TRHDE: variants seen among roughly 807,000 people sequenced by gnomAD.
TRHDE encodes the protein thyrotropin releasing hormone degrading enzyme, also known as thyrotropin-releasing hormone-degrading ectoenzyme.
TRHDE carries 72 observed loss-of-function variants against 125.7 expected under a neutral mutation model. The observed-to-expected ratio is 0.57, with a 90% confidence interval of 0.47 to 0.70. The LOEUF (loss-of-function observed/expected upper bound fraction) is 0.70, where lower values mean the gene tolerates loss of function less well. TRHDE is among the 30% of genes least tolerant of loss of function. The probability of loss-of-function intolerance (pLI) is 0.00; values close to 1 mark genes in which losing one functional copy is unlikely to be tolerated. For missense variants in TRHDE, 1,110 were observed against 1,327.1 expected, an observed-to-expected ratio of 0.84 and a Z score of 2.54; for synonymous variants, 509 against 509.1, an observed-to-expected ratio of 1.00 and a Z score of 0.00.
chr12:72,629,793 T>C (rs1214474672), intron 15 of TRHDE, among the ~76,000 whole-genome samples: 1 of 151,552 alleles, frequency 6.6e-6, no homozygotes, highest in East Asian at 1.9e-4. Flanking sequence ...ATATAAGCAT[T>C]CATATTATCA....
In TRHDE at chr12:72,514,117, TA is replaced by T. The variant is rs572540401; in HGVS notation, c.1722+14483del. 2.2e-3 allele frequency among the ~76,000 whole-genome samples: 328 copies of T among 152,226 alleles called. 2 individuals carry two copies. The highest frequency in any genetic ancestry group is 7.6e-3 in the African/African-American group (316 of 41,552). On this transcript the variant is annotated intron_variant, in intron 6 of 18. Coordinates refer to ENST00000261180, the MANE Select transcript of TRHDE (RefSeq NM_013381.3). ...GACTAGAAGGTATCCCCAGACACCATACAGACACTAAAACATATCCTTTCTA... is the reference window on the plus strand; with the variant it reads ...GACTAGAAGGTATCCCCAGACACCATCAGACACTAAAACATATCCTTTCTA...
At chr12:72,479,601 G>A (rs913809967) in intron 5 of TRHDE, among the ~76,000 whole-genome samples, 1 of 150,326 alleles carries the variant, frequency 6.7e-6, no homozygotes, top group African/African-American at 2.4e-5. Context: ...TTAAAATAAA[G>A]CTGAAAATTA....
chr12:72,177,789 T>C (rs912308239), intron 2 of TRHDE, among the ~76,000 whole-genome samples: 9 of 152,106 alleles, frequency 5.9e-5, no homozygotes, highest in Admixed American at 3.3e-4. Flanking sequence ...TCAGAGCCTA[T>C]ATATTTGTAT....
intron 3 of TRHDE, among the ~76,000 whole-genome samples, chr12:72,422,637 C>T (rs760029802): frequency 2.6e-5 from 4 of 152,128 alleles, no homozygotes; most frequent in Non-Finnish European, 5.9e-5. Context: ...AGCAAATATG[C>T]GCAAGAAATA....
At position 72,148,898 on chromosome 12, in the gene TRHDE, T is replaced by C. The variant is rs551378783; in HGVS notation, n.279+43146T>C. Among the ~76,000 whole-genome samples, 8 of 152,326 alleles carry C rather than the reference T, an allele frequency of 5.3e-5. No homozygotes were observed. The East Asian group carries it at 1.5e-3, about 29-fold the overall frequency. Reference sequence around the variant, plus strand: ...GTATGTCAGTATGATTTATAGAAATTGCTGTGACTCTGCTGCAATGAACAG... The same window carrying C: ...GTATGTCAGTATGATTTATAGAAATCGCTGTGACTCTGCTGCAATGAACAG... On this transcript the variant is annotated intron_variant and non_coding_transcript_variant, in intron 2 of 4. Coordinates refer to the TRHDE transcript ENST00000548156.
At chr12:72,196,623 C>G (rs1877447564) in intron 2 of TRHDE, among the ~76,000 whole-genome samples, 1 of 152,024 alleles carries the variant, frequency 6.6e-6, no homozygotes, top group South Asian at 2.1e-4. Context: ...TTCCCACCAC[C>G]ACATCTTTTC....
intron 1 of TRHDE, among the ~76,000 whole-genome samples, chr12:72,284,711 G>T (rs886428245): frequency 1.3e-5 from 2 of 152,150 alleles, no homozygotes; most frequent in African/African-American, 4.8e-5. Context: ...TGTGCAAGTT[G>T]TCTGTGTAAC....
At chr12:72,516,274 G>A (rs1312420393) in intron 6 of TRHDE, among the ~76,000 whole-genome samples, 1 of 152,046 alleles carries the variant, frequency 6.6e-6, no homozygotes, top group Non-Finnish European at 1.5e-5. Flanking sequence ...TCCTACCCAT[G>A]AGCATGGAAT....
chr12:72,463,100 C>A lies in TRHDE; in HGVS notation c.1316-6658C>A, dbSNP rs545050087. ...TTTCTGAGCAAAAATATCTTACATT[C>A]AATCAGAGACCAGTGCTGCTTTTCA... On this transcript the variant is annotated intron_variant, in intron 3 of 18. Coordinates refer to ENST00000261180, the MANE Select transcript of TRHDE (RefSeq NM_013381.3). Among the ~76,000 whole-genome samples, 197 of 152,330 alleles carry A rather than the reference C, an allele frequency of 1.3e-3. No homozygotes were observed. The Middle Eastern group carries it at 0.014, about 11-fold the overall frequency.
At position 72,653,168 on chromosome 12, in the gene TRHDE, A is replaced by T. The variant is rs766706916; in HGVS notation, c.2984+12A>T. 1.9e-6 allele frequency: 3 copies of T among 1,600,774 alleles called. No individual in the cohort carries two copies. Among genetic ancestry groups the T allele is most frequent in the Non-Finnish European group, 2.6e-6 (3 of 1,173,658 alleles). ...ATATTAAATACCAGGTAGAAATTAG[A>T]ATTCTTACTTGAATGAGTAAATTAA... On this transcript the variant is annotated intron_variant, in intron 17 of 18. Coordinates refer to ENST00000261180, the MANE Select transcript of TRHDE (RefSeq NM_013381.3).
intron 2 of TRHDE, chr12:72,263,854 T>C (rs944587890): frequency 1.3e-5 from 2 of 152,068 alleles, no homozygotes; most frequent in Non-Finnish European, 2.9e-5. Flanking sequence ...ATTCAGCTTA[T>C]AGGTCAAATC....
At chr12:72,343,486 A>G (rs552320236) in intron 2 of TRHDE, among the ~76,000 whole-genome samples, 2 of 152,268 alleles carry the variant, frequency 1.3e-5, no homozygotes, top group South Asian at 4.1e-4. Context: ...GTTAAATATC[A>G]TTAAGATTTG....
chr12:72,420,215 G>A (rs1482745148), intron 3 of TRHDE, among the ~76,000 whole-genome samples: 3 of 152,128 alleles, frequency 2.0e-5, no homozygotes, highest in Admixed American at 1.3e-4. Flanking sequence ...GCAGTTGATC[G>A]TCTCTAGTTT....
At chr12:72,404,066 T>C (rs1249285188) in intron 3 of TRHDE, among the ~76,000 whole-genome samples, 2 of 152,182 alleles carry the variant, frequency 1.3e-5, no homozygotes, top group African/African-American at 2.4e-5. Context: ...ACTCAGTATG[T>C]TGTACTAGTC....
At chr12:72,660,787 C>T (rs181252402) in intron 18 of TRHDE, among the ~76,000 whole-genome samples, 58 of 152,206 alleles carry the variant, frequency 3.8e-4, no homozygotes, top group Non-Finnish European at 6.9e-4. Flanking sequence ...CCTCGGCACC[C>T]GGGTAGTTCT....
intron 12 of TRHDE, among the ~76,000 whole-genome samples, chr12:72,616,125 A>G (rs959253374): frequency 6.6e-6 from 1 of 152,188 alleles, no homozygotes; most frequent in Middle Eastern, 3.4e-3. Flanking sequence ...AACTTGCTCC[A>G]TTTCTCTGTT....
chr12:72,406,764 A>T (rs1432347939), intron 3 of TRHDE, among the ~76,000 whole-genome samples: 1 of 152,186 alleles, frequency 6.6e-6, no homozygotes, highest in Non-Finnish European at 1.5e-5. Context: ...GTATCTTTTT[A>T]AAAATAGTAA....
At chr12:72,611,119 A>G (rs1872616777) in intron 12 of TRHDE, 1 of 171,140 alleles carries the variant, frequency 5.8e-6, no homozygotes, top group South Asian at 1.6e-4. Flanking sequence ...CCACAAAGTC[A>G]CCACTGAGCA....
At chr12:72,160,879 A>G (rs1327621472) in intron 2 of TRHDE, among the ~76,000 whole-genome samples, 4 of 152,078 alleles carry the variant, frequency 2.6e-5, no homozygotes, top group African/African-American at 9.7e-5. Context: ...ATGTACTTCA[A>G]ATTTATTACT....
Sources: gnomAD v4.1 joint callset for allele counts (sites outside exome capture counted in the v4.1 genomes callset) on GRCh38, gnomAD v4.1.1 for gene constraint, MANE v1.5 for transcripts, NCBI Gene and HGNC (gene_info 2026-07-23, HGNC 2026-07-21) for gene names.